KCNN2: variants seen among roughly 807,000 people sequenced by gnomAD.
KCNN2 encodes the protein small conductance calcium-activated potassium channel protein 2.
KCNN2 carries 24 observed loss-of-function variants against 55.5 expected under a neutral mutation model. That is an observed-to-expected ratio of 0.43 (90% CI 0.31 to 0.61). KCNN2 has a LOEUF of 0.61. KCNN2 is among the 20% of genes least tolerant of loss of function. The pLI, the probability that KCNN2 is intolerant of heterozygous loss-of-function variation, is 0.08. For missense variants in KCNN2, 754 were observed against 853.6 expected, an observed-to-expected ratio of 0.88 and a Z score of 1.45; for synonymous variants, 431 against 336.1, an observed-to-expected ratio of 1.28 and a Z score of -3.09.
intron 1 of KCNN2, among the ~76,000 whole-genome samples, chr5:114,062,974 A>T (rs545427171): frequency 6.6e-6 from 1 of 152,356 alleles, no homozygotes; most frequent in Admixed American, 6.5e-5. Flanking sequence ...ATAAATTCCC[A>T]TTAAAAATCA....
intron 2 of KCNN2, among the ~76,000 whole-genome samples, chr5:114,233,653 A>T (rs1180231750): frequency 6.6e-6 from 1 of 152,190 alleles, no homozygotes; most frequent in Admixed American, 6.5e-5. Context: ...AGTGAAAAAA[A>T]ATCAGAATTT....
intron 1 of KCNN2, among the ~76,000 whole-genome samples, chr5:114,117,308 C>T (rs1751725387): frequency 6.6e-6 from 1 of 152,136 alleles, no homozygotes; most frequent in Admixed American, 6.5e-5. Context: ...CAGCCTGGAT[C>T]ATGTTCAGTG....
chr5:114,104,911 T>C (rs1751450345), intron 1 of KCNN2, among the ~76,000 whole-genome samples: 1 of 151,444 alleles, frequency 6.6e-6, no homozygotes, highest in African/African-American at 2.4e-5. Context: ...GCTCAGGGAG[T>C]AGAAATAGTT....
At chr5:114,258,614 C>T (rs1755033291) in intron 2 of KCNN2, among the ~76,000 whole-genome samples, 1 of 152,088 alleles carries the variant, frequency 6.6e-6, no homozygotes, top group East Asian at 1.9e-4. Context: ...TCTAGGTTTT[C>T]TGGTTTGTGA....
intron 1 of KCNN2, among the ~76,000 whole-genome samples, chr5:114,145,430 G>A (rs1246565737): frequency 2.6e-5 from 4 of 152,118 alleles, no homozygotes; most frequent in Admixed American, 1.3e-4. Context: ...TATAATCAGC[G>A]AGCAATTCCT....
chr5:114,058,369 A>G (rs1750254632), intron 1 of KCNN2, among the ~76,000 whole-genome samples: 4 of 152,130 alleles, frequency 2.6e-5, no homozygotes, highest in Admixed American at 2.6e-4. Context: ...AAACAGAGGC[A>G]CCATATGGTT....
intron 1 of KCNN2, among the ~76,000 whole-genome samples, chr5:114,084,752 C>G (rs78390091): frequency 1.3e-5 from 2 of 151,784 alleles, no homozygotes; most frequent in Non-Finnish European, 2.9e-5. Context: ...ACAAGGCCAC[C>G]TAGATTTTCT....
chr5:114,187,469 C>A (rs1753356968), intron 1 of KCNN2, among the ~76,000 whole-genome samples: 1 of 149,986 alleles, frequency 6.7e-6, no homozygotes, highest in African/African-American at 2.4e-5. Flanking sequence ...AATATCTTTC[C>A]AAGGGCTATT....
intron 2 of KCNN2, among the ~76,000 whole-genome samples, chr5:114,224,086 T>C (rs1271289239): frequency 6.6e-6 from 1 of 152,130 alleles, no homozygotes; most frequent in Non-Finnish European, 1.5e-5. Flanking sequence ...CTTCTAGCAT[T>C]TTAATATCTC....
intron 1 of KCNN2, among the ~76,000 whole-genome samples, chr5:114,102,732 A>C (rs1394705336): frequency 6.6e-6 from 1 of 152,190 alleles, no homozygotes. Flanking sequence ...AGTTTGTCAA[A>C]GATCAGATGG....
intron 2 of KCNN2, among the ~76,000 whole-genome samples, chr5:114,396,532 A>G (rs938820851): frequency 1.3e-5 from 2 of 149,440 alleles, no homozygotes; most frequent in African/African-American, 4.9e-5. Context: ...GCATATAAGC[A>G]TAGTACCCAA....
At chr5:114,092,502 C>G (rs1292837804) in intron 1 of KCNN2, among the ~76,000 whole-genome samples, 1 of 152,278 alleles carries the variant, frequency 6.6e-6, no homozygotes, top group African/African-American at 2.4e-5. Flanking sequence ...CAGTGGCCCT[C>G]TTCTTCTCAC....
intron 2 of KCNN2, among the ~76,000 whole-genome samples, chr5:114,347,063 G>A (rs988995433): frequency 6.6e-6 from 1 of 152,154 alleles, no homozygotes; most frequent in Non-Finnish European, 1.5e-5. Flanking sequence ...GAATAAATAA[G>A]TACATTAGGA....
intron 2 of KCNN2, among the ~76,000 whole-genome samples, chr5:114,241,758 A>ATG (rs1561537058): frequency 4.8e-5 from 1 of 20,892 alleles, no homozygotes; most frequent in Non-Finnish European, 8.7e-5. Context: ...ATATGTATAT[A>ATG]TATACGTATA....
At chr5:114,170,658 C>T (rs879539076) in intron 1 of KCNN2, among the ~76,000 whole-genome samples, 12 of 151,872 alleles carry the variant, frequency 7.9e-5, no homozygotes, top group Non-Finnish European at 1.6e-4. Context: ...AATTATGGCT[C>T]GTCTCTCAAT....
At chr5:114,220,601 G>C (rs4451040) in intron 1 of KCNN2, among the ~76,000 whole-genome samples, 128,683 of 152,126 alleles carry the variant, frequency 0.85, 54,495 homozygotes, top group East Asian at 0.9. Flanking sequence ...GACTTAATAC[G>C]AGGATTAGCA....
chr5:114,367,054 C>A (rs1333748204), intron 2 of KCNN2, among the ~76,000 whole-genome samples: 6 of 152,150 alleles, frequency 3.9e-5, no homozygotes, highest in African/African-American at 9.7e-5. Context: ...TCTGGAATTG[C>A]TTAATGAAGC....
chr5:114,424,306 C>G (rs906252091), intron 3 of KCNN2, among the ~76,000 whole-genome samples: 4 of 152,156 alleles, frequency 2.6e-5, no homozygotes, highest in Admixed American at 1.3e-4. Context: ...GAGCACACAT[C>G]AGAAGCATGA....
Position 114,487,157 on chromosome 5 carries a change from A to C in KCNN2, c.1998A>C (p.Lys666Asn), listed in dbSNP as rs772968404. ...CAAAAGTAAGAAAACATCAACGAAA[A>C]TTCCTGCAAGCTATTCATCAGTAAG... is the stretch of plus-strand genomic sequence containing the variant. ...DHAKVRKHQR[K>N]FLQAIHQLRS... The change falls in exon 6 of 8, where the codon AAA becomes AAC. Residue 666 changes from lysine to asparagine, a missense_variant. Around this residue, in one of 4 missense-constraint regions of KCNN2, gnomAD observed 164 missense variants for 156.6 expected, o/e 1.05. Transcript: ENST00000673685. 1 of 1,613,010 alleles carries C rather than the reference A, an allele frequency of 6.2e-7. No homozygotes were observed. Among genetic ancestry groups the C allele is most frequent in the Non-Finnish European group, 8.5e-7 (1 of 1,179,278 alleles).
Sources: allele counts gnomAD v4.1 joint callset (sites outside exome capture counted in the v4.1 genomes callset), GRCh38; gene constraint gnomAD v4.1.1; regional missense constraint gnomAD v4.1.1; transcripts MANE v1.5; gene names NCBI Gene and HGNC (gene_info 2026-07-23, HGNC 2026-07-21).